Variants in TEAD1 observed in about 807,000 individuals in gnomAD.
TEAD1 encodes the protein transcriptional enhancer factor TEF-1.
A neutral mutation model predicts 54.9 loss-of-function variants in TEAD1; 9 were observed. That is an observed-to-expected ratio of 0.16 (90% confidence interval 0.10 to 0.29). The LOEUF (loss-of-function observed/expected upper bound fraction) is 0.29. Ranked by LOEUF, TEAD1 falls within the 10% of genes least tolerant of loss-of-function variation. TEAD1 has a pLI of 1.00. For synonymous variants in TEAD1, 200 were observed against 187.8 expected (o/e 1.07, Z -0.53); for missense variants, 387 against 535.9 (o/e 0.72, Z 2.74).
intron 2 of TEAD1, among the ~76,000 whole-genome samples, chr11:12,732,549 CTG>C (rs1224435510): frequency 6.6e-6 from 1 of 152,182 alleles, no homozygotes; most frequent in Non-Finnish European, 1.5e-5. Context: ...AGACAAAAAA[CTG>C]GCCAGACCAT....
At chr11:12,698,984 T>C (rs1233932410) in intron 2 of TEAD1, among the ~76,000 whole-genome samples, 1 of 152,230 alleles carries the variant, frequency 6.6e-6, no homozygotes. Flanking sequence ...CTATGTTTTT[T>C]ATTTGCATAC....
At chr11:12,913,417 G>GAA (rs1378069356) in intron 10 of TEAD1, among the ~76,000 whole-genome samples, 1 of 152,210 alleles carries the variant, frequency 6.6e-6, no homozygotes, top group Admixed American at 6.5e-5. Context: ...TATCCTTTTA[G>GAA]ACTTATACGT....
chr11:12,728,522 A>G (rs540566038), intron 2 of TEAD1, among the ~76,000 whole-genome samples: 1 of 152,288 alleles, frequency 6.6e-6, no homozygotes, highest in South Asian at 2.1e-4. Context: ...GAGGGGTATA[A>G]GGTAGCTGTG....
At chr11:12,759,653 G>A (rs1367798840) in intron 2 of TEAD1, among the ~76,000 whole-genome samples, 5 of 152,168 alleles carry the variant, frequency 3.3e-5, no homozygotes, top group Admixed American at 3.3e-4. Flanking sequence ...ATGAGGTCAG[G>A]AGTTCGAGAC....
At chr11:12,862,563 T>C (rs139022817) in intron 4 of TEAD1, among the ~76,000 whole-genome samples, 16 of 152,324 alleles carry the variant, frequency 1.1e-4, no homozygotes, top group African/African-American at 3.4e-4. Context: ...GGACGGTGTA[T>C]GAACCGCTCC....
At chr11:12,866,305 GT>G (rs1263677543) in intron 5 of TEAD1, among the ~76,000 whole-genome samples, 5 of 152,142 alleles carry the variant, frequency 3.3e-5, no homozygotes, top group Admixed American at 1.3e-4. Context: ...TAACAATGTT[GT>G]TTCCATCTGT....
intron 3 of TEAD1, among the ~76,000 whole-genome samples, chr11:12,840,263 GAAAAA>G (rs1564959349): frequency 2.3e-5 from 1 of 43,544 alleles, no homozygotes. Context: ...AAAAAAAAAA[GAAAAA>G]AAAAAGACCA....
At chr11:12,760,228 G>A (rs903014591) in intron 2 of TEAD1, among the ~76,000 whole-genome samples, 1 of 152,198 alleles carries the variant, frequency 6.6e-6, no homozygotes, top group Non-Finnish European at 1.5e-5. Flanking sequence ...ATGACAGAGC[G>A]CCTTCACTCA....
At chr11:12,689,044 T>C (rs115623843) in intron 2 of TEAD1, among the ~76,000 whole-genome samples, 2,303 of 152,096 alleles carry the variant, frequency 0.015, 54 homozygotes, top group African/African-American at 0.052. Flanking sequence ...TATTTGTTTG[T>C]TTTGTTTTTA....
At chr11:12,814,946 C>T (rs1048889830) in intron 3 of TEAD1, among the ~76,000 whole-genome samples, 3 of 152,122 alleles carry the variant, frequency 2.0e-5, no homozygotes, top group East Asian at 1.9e-4. Flanking sequence ...AAGGCATATG[C>T]GTTTTTCTTT....
chr11:12,867,023 G>A (rs1218015224), intron 5 of TEAD1, among the ~76,000 whole-genome samples: 4 of 152,084 alleles, frequency 2.6e-5, no homozygotes, highest in Admixed American at 6.6e-5. Flanking sequence ...AGCCTAATGC[G>A]TGCTCCCTCA....
rs976981047 is a variant in TEAD1 at position 12,758,680 on chromosome 11, C to T, written c.-54-5499C>T. On this transcript the variant is annotated intron_variant, in intron 2 of 12. Transcript: ENST00000527636. ...CTGCCCGCCTCGGCCTCCCAAAGTGCTGGGATTACAGGCGTGGGCCACCCT... is the reference window on the plus strand; with the variant it reads ...CTGCCCGCCTCGGCCTCCCAAAGTGTTGGGATTACAGGCGTGGGCCACCCT... 2.6e-5 allele frequency among the ~76,000 whole-genome samples: 4 copies of T among 152,220 alleles called. No individual in the cohort carries two copies. The South Asian group carries it at 8.3e-4, about 32-fold the overall frequency.
Position 12,809,984 on chromosome 11 carries a change from T to TTG in TEAD1, c.202+45551_202+45552insGT, listed in dbSNP as rs1425154769. 5.0e-3 allele frequency among the ~76,000 whole-genome samples: 227 copies of TTG among 45,454 alleles called. 1 individual carries two copies. The highest frequency in any genetic ancestry group is 8.9e-3 in the African/African-American group (213 of 23,800). The allele number at this position is 45,454 out of a possible 152,430, so 29.8% of individuals were successfully genotyped here. Reference sequence around the variant, plus strand: ...AACTCTTTCCCCATTCTTTTTTTTTTTTTTTTTTTTTTTTGAGATGGAGCC... The same window carrying TTG: ...AACTCTTTCCCCATTCTTTTTTTTTTTGTTTTTTTTTTTTTTGAGATGGAGCC... On this transcript the variant is annotated intron_variant, in intron 3 of 12. Coordinates refer to ENST00000527636, the MANE Select transcript of TEAD1 (RefSeq NM_021961.6).
intron 3 of TEAD1, among the ~76,000 whole-genome samples, chr11:12,825,562 C>T (rs957262514): frequency 6.6e-6 from 1 of 152,076 alleles, no homozygotes; most frequent in Non-Finnish European, 1.5e-5. Context: ...TTGGAAGACT[C>T]AATATTGTTA....
chr11:12,776,795 TATTATC>T lies in TEAD1; in HGVS notation c.202+12367_202+12372del, dbSNP rs1200838814. ...TTATTATTATTATTATTATTATTAT[TATTATC>T]ATTATTATTATTTTTGAGATGGAGT... On this transcript the variant is annotated intron_variant, in intron 3 of 12. Transcript: ENST00000527636. Among the ~76,000 whole-genome samples, 201 of 99,952 alleles carry T rather than the reference TATTATC, an allele frequency of 2.0e-3. 1 individual carries two copies. The highest frequency in any genetic ancestry group is 0.015 in the African/African-American group (187 of 12,774). 65.6% of individuals were successfully genotyped at this position (99,952 alleles called of 152,430 possible).
At chr11:12,929,054 A>G (rs1365396690) in intron 11 of TEAD1, among the ~76,000 whole-genome samples, 1 of 152,198 alleles carries the variant, frequency 6.6e-6, no homozygotes, top group Non-Finnish European at 1.5e-5. Context: ...GGTCATTTCC[A>G]CAATGACTGA....
rs1256850985 is a variant in TEAD1 at position 12,943,040 on chromosome 11, G to T, written c.*5818G>T. On this transcript the variant is annotated 3_prime_UTR_variant, in exon 13 of 13. Transcript: ENST00000527636. Reference sequence around the variant, plus strand: ...TAATATAGATGTAAAAATAACATCAGACATCTTTGAAAATTAGCCTCTAAA... The same window carrying T: ...TAATATAGATGTAAAAATAACATCATACATCTTTGAAAATTAGCCTCTAAA... 6.6e-6 allele frequency: 1 copy of T among 152,194 alleles called. No individual in the cohort carries two copies. The highest frequency in any genetic ancestry group is 1.5e-5 in the Non-Finnish European group (1 of 68,020). 9.4% of individuals were successfully genotyped at this position (152,194 alleles called of 1,614,324 possible). A position where few individuals can be genotyped will look rare whatever the true frequency, so the allele number is the denominator to read the frequency against.
intron 3 of TEAD1, among the ~76,000 whole-genome samples, chr11:12,796,893 C>T (rs541328836): frequency 8.5e-5 from 13 of 152,194 alleles, no homozygotes; most frequent in South Asian, 4.1e-4. Context: ...GGGCGGATCA[C>T]GAGGTCAGGA....
chr11:12,741,036 A>G (rs1020137106), intron 2 of TEAD1, among the ~76,000 whole-genome samples: 59 of 152,232 alleles, frequency 3.9e-4, no homozygotes, highest in African/African-American at 1.3e-3. Flanking sequence ...AGTATAAGAC[A>G]GAAAACTGCA....
Sources: gnomAD v4.1 joint callset for allele counts (sites outside exome capture counted in the v4.1 genomes callset) on GRCh38, gnomAD v4.1.1 for gene constraint, MANE v1.5 for transcripts, NCBI Gene and HGNC (gene_info 2026-07-23, HGNC 2026-07-21) for gene names.